Variants in SPEF2 observed in about 807,000 individuals in gnomAD.
The protein encoded by SPEF2 is sperm flagellar and cilia associated 2.
Under a neutral mutation model 224.6 loss-of-function variants are expected in SPEF2, and 187 were observed. The observed-to-expected ratio is 0.83, with a 90% CI of 0.74 to 0.94. The LOEUF is 0.94. Among genes scored for constraint, SPEF2 ranks in the 40% least tolerant of loss-of-function variants. The probability of loss-of-function intolerance (pLI) is 0.00; values close to 1 mark genes in which losing one functional copy is unlikely to be tolerated. For synonymous variants in SPEF2, 715 were observed against 707.3 expected (o/e 1.01, Z -0.17); for missense variants, 2,170 against 2,135.6 (o/e 1.02, Z -0.32).
At chr5:35,683,078 C>T (rs1375844450) in intron 10 of SPEF2, among the ~76,000 whole-genome samples, 3 of 152,116 alleles carry the variant, frequency 2.0e-5, no homozygotes, top group Non-Finnish European at 4.4e-5. Context: ...ACCAAGAATA[C>T]TGACACATTA....
At chr5:35,800,269 C>G (rs530735536) in intron 34 of SPEF2, 122 bp downstream of exon 34, 2 of 1,047,832 alleles carry the variant, frequency 1.9e-6, no homozygotes, top group African/African-American at 1.6e-5. Context: ...TAATATGATG[C>G]TTTACACATA....
intron 1 of SPEF2, among the ~76,000 whole-genome samples, chr5:35,620,846 C>T (rs1219708280): frequency 6.6e-6 from 1 of 152,096 alleles, no homozygotes; most frequent in Non-Finnish European, 1.5e-5. Flanking sequence ...TGAATATGGA[C>T]ATTTATATGA....
intron 34 of SPEF2, 117 bp downstream of exon 34, chr5:35,800,264 T>C (rs1429508728): frequency 8.7e-7 from 1 of 1,155,892 alleles, no homozygotes; most frequent in Non-Finnish European, 1.2e-6. Context: ...GTGTGTAATA[T>C]GATGCTTTAC....
rs1458515097 is a variant in SPEF2 at position 35,800,108 on chromosome 5, C to T, written c.4971C>T (p.Val1657=). The T allele has an allele frequency of 2.5e-6, 4 of 1,614,112 alleles. No homozygotes were observed. The highest frequency in any genetic ancestry group is 1.6e-4 in the Middle Eastern group (1 of 6,062). Reference sequence around the variant, plus strand: ...TCAGTGTGGCTGTTGGAACTCATGTCTTCCAACAAGTCAAAGCTTCCATTC... The same window carrying T: ...TCAGTGTGGCTGTTGGAACTCATGTTTTCCAACAAGTCAAAGCTTCCATTC... ...RALSVAVGTH[V]FQQVKASIPS... The change falls in exon 34 of 37, where the codon GTC becomes GTT. Residue 1657 remains valine, a synonymous_variant. Coordinates refer to ENST00000356031, the MANE Select transcript of SPEF2 (RefSeq NM_024867.4).
At chr5:35,649,947 T>C (rs1580121807) in intron 6 of SPEF2, among the ~76,000 whole-genome samples, 1 of 152,322 alleles carries the variant, frequency 6.6e-6, no homozygotes, top group Admixed American at 6.5e-5. Flanking sequence ...CTTCACACTT[T>C]GTTTTCTATG....
At chr5:35,797,698 C>T (rs1756873850) in intron 33 of SPEF2, among the ~76,000 whole-genome samples, 1 of 152,090 alleles carries the variant, frequency 6.6e-6, no homozygotes, top group Non-Finnish European at 1.5e-5. Context: ...AATGGTTAAC[C>T]TGCTTAAGAA....
rs1412044782 is a variant in SPEF2, at chr5:35,675,040, T to TACATTTATA, written c.1524+4813_1524+4814insACATTTATA. The stretch of plus-strand genomic sequence containing the variant: ...TTCATTTTAATATAAATGTATATAA[T>TACATTTATA]TGCATTGTGTAGTACTGGAGGGCCC... On this transcript the variant is annotated intron_variant, in intron 10 of 36. Transcript: ENST00000356031. Among the ~76,000 whole-genome samples the TACATTTATA allele has an allele frequency of 7.9e-4, 121 of 152,324 alleles. 1 individual carries two copies. The highest frequency in any genetic ancestry group is 1.1e-3 in the Non-Finnish European group (73 of 68,018).
At chr5:35,624,280 T>G (rs1743914105) in intron 1 of SPEF2, among the ~76,000 whole-genome samples, 1 of 152,220 alleles carries the variant, frequency 6.6e-6, no homozygotes, top group African/African-American at 2.4e-5. Flanking sequence ...GAGGCAGGGT[T>G]GAGTTGCTGC....
chr5:35,763,430 A>G, intron 25 of SPEF2, 92 bp from the exon 26 acceptor site: 1 of 1,194,078 alleles, frequency 8.4e-7, no homozygotes, highest in Non-Finnish European at 1.1e-6. Flanking sequence ...AGATTAAACC[A>G]AGACAGTAAA....
intron 20 of SPEF2, among the ~76,000 whole-genome samples, chr5:35,716,353 TC>T (rs1006367557): frequency 1.4e-4 from 22 of 152,142 alleles, no homozygotes. Context: ...ACATTACTCA[TC>T]CCTTTTTTCT....
At chr5:35,686,225 T>C (rs541931232) in intron 10 of SPEF2, among the ~76,000 whole-genome samples, 23 of 152,260 alleles carry the variant, frequency 1.5e-4, no homozygotes, top group African/African-American at 5.1e-4. Context: ...CACTATGATT[T>C]GACATCTCTG....
intron 8 of SPEF2, among the ~76,000 whole-genome samples, chr5:35,664,353 GA>G: frequency 6.6e-6 from 1 of 151,562 alleles, no homozygotes; most frequent in East Asian, 2.0e-4. Flanking sequence ...ACGAGGGAAG[GA>G]AGGAAGGAAA....
At chr5:35,805,864 A>G (rs781137651) in intron 34 of SPEF2, among the ~76,000 whole-genome samples, 9 of 152,148 alleles carry the variant, frequency 5.9e-5, no homozygotes, top group South Asian at 2.1e-4. Context: ...TTCTTGTGTT[A>G]TTAAGAATTC....
chr5:35,678,866 G>T (rs1752386260), intron 10 of SPEF2, among the ~76,000 whole-genome samples: 2 of 152,184 alleles, frequency 1.3e-5, no homozygotes, highest in African/African-American at 4.8e-5. Flanking sequence ...CTGTGGGGCT[G>T]CCAGATTACA....
intron 26 of SPEF2, among the ~76,000 whole-genome samples, chr5:35,769,989 A>ATGTGTGTG (rs10627412): frequency 2.1e-5 from 3 of 142,258 alleles, no homozygotes; most frequent in Non-Finnish European, 4.6e-5. Context: ...TGCCTCCATA[A>ATGTGTGTG]TGTGTGTGTG....
chr5:35,697,339 A>C (rs1424921706), intron 14 of SPEF2, among the ~76,000 whole-genome samples: 2 of 152,218 alleles, frequency 1.3e-5, no homozygotes, highest in Non-Finnish European at 2.9e-5. Context: ...GTCAAGGGCC[A>C]TGTTTATATG....
intron 16 of SPEF2, 95 bp from the exon 17 acceptor site, chr5:35,704,459 C>A: frequency 2.9e-6 from 2 of 698,744 alleles, no homozygotes; most frequent in Non-Finnish European, 5.0e-6. Context: ...AAATACAGGA[C>A]CGTATCTGTT....
At chr5:35,787,045 G>A (rs1452048256) in intron 30 of SPEF2, among the ~76,000 whole-genome samples, 1 of 152,142 alleles carries the variant, frequency 6.6e-6, no homozygotes, top group Non-Finnish European at 1.5e-5. Context: ...ATGTGATCTA[G>A]GCTCTCTGCC....
chr5:35,727,901 C>T (rs2149656755), intron 21 of SPEF2, 78 bp downstream of exon 21: 4 of 1,481,624 alleles, frequency 2.7e-6, no homozygotes, highest in South Asian at 1.3e-5. Context: ...TCATTTGCAA[C>T]ATCCTGAAGG....
Sources: allele counts gnomAD v4.1 joint callset (sites outside exome capture counted in the v4.1 genomes callset), GRCh38; gene constraint gnomAD v4.1.1; transcripts MANE v1.5; gene names NCBI Gene and HGNC (gene_info 2026-07-23, HGNC 2026-07-21).